Variants in SLC37A3 observed in about 807,000 individuals in gnomAD.
SLC37A3 encodes sugar phosphate exchanger 3.
SLC37A3 carries 51 observed loss-of-function variants against 67.1 expected under a neutral mutation model. That is an observed-to-expected ratio of 0.76 (90% CI 0.61 to 0.96). The LOEUF (loss-of-function observed/expected upper bound fraction) is 0.96. SLC37A3 is among the 40% of genes least tolerant of loss of function. The pLI is 0.00. For synonymous variants in SLC37A3, 214 were observed against 231.4 expected (o/e 0.92, Z 0.68); for missense variants, 508 against 603.0 (o/e 0.84, Z 1.65).
chr7:140,366,095 GT>G (rs1383158157), intron 4 of SLC37A3, among the ~76,000 whole-genome samples: 2 of 151,496 alleles, frequency 1.3e-5, no homozygotes, highest in African/African-American at 2.4e-5. Flanking sequence ...GCCAATTTTT[GT>G]TTTTTTAGAG....
rs1363812760 is a variant in SLC37A3 at position 140,334,408 on chromosome 7, G to A, written c.*1004C>T. 1 of 152,514 alleles carries A rather than the reference G, an allele frequency of 6.6e-6. No individual in the cohort carries two copies. Among genetic ancestry groups the A allele is most frequent in the Non-Finnish European group, 1.5e-5 (1 of 68,048 alleles). The allele number at this position is 152,514 out of a possible 1,614,324, so 9.4% of individuals were successfully genotyped here. On this transcript the variant is annotated 3_prime_UTR_variant, in exon 15 of 15. Coordinates refer to ENST00000326232, the MANE Select transcript of SLC37A3 (RefSeq NM_207113.3). ...ACATAACCCCATCATAAGTCAAAGA[G>A]CATCTGTACTTGACACTTACTAGAA...
intron 5 of SLC37A3, among the ~76,000 whole-genome samples, chr7:140,361,748 T>C (rs1224653132): frequency 1.3e-5 from 2 of 148,454 alleles, no homozygotes; most frequent in Non-Finnish European, 3.0e-5. Context: ...GACGGGGTTT[T>C]GCTGTGTCGG....
At chr7:140,377,412 T>A (rs1427329780) in intron 3 of SLC37A3, among the ~76,000 whole-genome samples, 2 of 152,130 alleles carry the variant, frequency 1.3e-5, no homozygotes, top group African/African-American at 4.8e-5. Context: ...AATTTTAGAT[T>A]CTCTAGCACT....
At chr7:140,376,668 AG>A (rs1366137010) in intron 3 of SLC37A3, among the ~76,000 whole-genome samples, 1 of 152,232 alleles carries the variant, frequency 6.6e-6, no homozygotes, top group Non-Finnish European at 1.5e-5. Context: ...TGGTGAGCAG[AG>A]GATGGATGAC....
intron 3 of SLC37A3, among the ~76,000 whole-genome samples, chr7:140,373,854 T>C (rs1797918615): frequency 6.6e-6 from 1 of 152,042 alleles, no homozygotes; most frequent in Non-Finnish European, 1.5e-5. Context: ...AAAGGAGACA[T>C]GAAAACCCAC....
At chr7:140,389,370 C>G (rs768177684) in intron 1 of SLC37A3, among the ~76,000 whole-genome samples, 21 of 152,126 alleles carry the variant, frequency 1.4e-4, no homozygotes, top group Non-Finnish European at 1.3e-4. Context: ...CTGGCTCAAC[C>G]AGCTCTGCCA....
intron 5 of SLC37A3, among the ~76,000 whole-genome samples, chr7:140,361,179 G>C (rs533518188): frequency 7.6e-6 from 1 of 131,178 alleles, no homozygotes; most frequent in Non-Finnish European, 1.7e-5. Context: ...CAAAAGCACC[G>C]AGATAGAAAG....
intron 1 of SLC37A3, among the ~76,000 whole-genome samples, chr7:140,395,647 G>T (rs571468490): frequency 4.6e-4 from 70 of 152,044 alleles, no homozygotes; most frequent in Non-Finnish European, 6.0e-4. Context: ...GGCGGAGGTT[G>T]CAGTGAACCG....
intron 4 of SLC37A3, among the ~76,000 whole-genome samples, chr7:140,366,309 A>G (rs1352571957): frequency 6.6e-6 from 1 of 152,120 alleles, no homozygotes; most frequent in Non-Finnish European, 1.5e-5. Flanking sequence ...GGGTTCTGCC[A>G]TGTTGGCCAG....
chr7:140,385,448 A>G (rs1008176496), intron 1 of SLC37A3, among the ~76,000 whole-genome samples: 2 of 152,214 alleles, frequency 1.3e-5, no homozygotes, highest in Admixed American at 6.5e-5. Context: ...ATCATTCTCT[A>G]TGAATCGTAG....
chr7:140,357,107 G>A (rs1212669017), intron 6 of SLC37A3, among the ~76,000 whole-genome samples: 9 of 152,030 alleles, frequency 5.9e-5, no homozygotes, highest in Admixed American at 5.2e-4. Flanking sequence ...CCAGCTACTC[G>A]GGAGGCTGAG....
At chr7:140,366,005 T>C (rs1255263135) in intron 4 of SLC37A3, among the ~76,000 whole-genome samples, 1 of 137,584 alleles carries the variant, frequency 7.3e-6, no homozygotes. Context: ...TGATGTGATC[T>C]TGGCTCACTG....
chr7:140,364,308 G>A (rs963665286), intron 5 of SLC37A3, 100 bp downstream of exon 5: 1 of 1,089,042 alleles, frequency 9.2e-7, no homozygotes, highest in Non-Finnish European at 1.3e-6. Flanking sequence ...TTCGAACAAT[G>A]AGGATTAATC....
Position 140,343,458 on chromosome 7 carries a change from G to GTGACAGTGGC in SLC37A3, c.1270_1279dup (p.Thr427SerfsTer122). The GTGACAGTGGC allele has an allele frequency of 6.2e-7, 1 of 1,614,078 alleles. No homozygotes were observed. Among genetic ancestry groups the GTGACAGTGGC allele is most frequent in the Non-Finnish European group, 8.5e-7 (1 of 1,179,986 alleles). On this transcript the variant is annotated frameshift_variant, in exon 13 of 15. Coordinates refer to ENST00000326232, the MANE Select transcript of SLC37A3 (RefSeq NM_207113.3). LOFTEE classifies it high-confidence loss of function. ...GCTCCCCGAACCATCCACAATTCCT[G>GTGACAGTGGC]TGACAGTGGCCAAAGCTTCACTGCT... is the stretch of plus-strand genomic sequence containing the variant.
chr7:140,336,627 A>G (rs901664260), intron 14 of SLC37A3, among the ~76,000 whole-genome samples: 10 of 152,212 alleles, frequency 6.6e-5, no homozygotes, highest in African/African-American at 2.4e-4. Flanking sequence ...TATACATTGT[A>G]ATTTACTTCA....
Position 140,398,511 on chromosome 7 carries a change from T to C in SLC37A3, c.-166A>G, listed in dbSNP as rs925678075. On this transcript the variant is annotated 5_prime_UTR_variant, in exon 1 of 15. Transcript: ENST00000326232. ...GCCTCCCCCGCCGCCAGCTCACCCC[T>C]GGCGGTGCGACCAGGGTTTCCGGAC... 1.3e-5 allele frequency: 2 copies of C among 151,980 alleles called. No homozygotes were observed. The highest frequency in any genetic ancestry group is 2.9e-5 in the Non-Finnish European group (2 of 68,000). The allele number at this position is 151,980 out of a possible 1,614,324, so 9.4% of individuals were successfully genotyped here.
Position 140,383,528 on chromosome 7 carries a change from T to C in SLC37A3, c.-70-932A>G, listed in dbSNP as rs377010892. ...ATGTTCTAAATGATCTTCTATTGCC[T>C]TGAGGTGAGGTCCCACTGCAAGACT... is the stretch of plus-strand genomic sequence containing the variant. On this transcript the variant is annotated intron_variant, in intron 1 of 14. Coordinates refer to ENST00000326232, the MANE Select transcript of SLC37A3 (RefSeq NM_207113.3). Among the ~76,000 whole-genome samples the C allele has an allele frequency of 9.2e-5, 14 of 152,206 alleles. 1 individual carries two copies. In the East Asian group the frequency reaches 2.5e-3, roughly 27 times the overall value.
chr7:140,388,369 G>A (rs1209124492), intron 1 of SLC37A3, among the ~76,000 whole-genome samples: 1 of 151,364 alleles, frequency 6.6e-6, no homozygotes, highest in Non-Finnish European at 1.5e-5. Flanking sequence ...GGAGGTAGCG[G>A]TTTCAGTGAG....
intron 2 of SLC37A3, among the ~76,000 whole-genome samples, chr7:140,380,638 G>A (rs946274144): frequency 5.3e-5 from 8 of 152,028 alleles, no homozygotes; most frequent in African/African-American, 1.9e-4. Context: ...TTCACCTCCT[G>A]GGCTCAAGCC....
Sources: gnomAD v4.1 joint callset for allele counts (sites outside exome capture counted in the v4.1 genomes callset) on GRCh38, gnomAD v4.1.1 for gene constraint, MANE v1.5 for transcripts, NCBI Gene and HGNC (gene_info 2026-07-23, HGNC 2026-07-21) for gene names.